Variants in RTL9 observed in about 807,000 individuals in gnomAD.
RTL9 encodes the protein retrotransposon Gag-like protein 9.
A neutral mutation model predicts 44.7 loss-of-function variants in RTL9; 19 were observed. That is an observed-to-expected ratio of 0.42 (90% CI 0.30 to 0.62). RTL9 has a LOEUF of 0.62. Ranked by LOEUF, RTL9 falls within the 20% of genes least tolerant of loss-of-function variation. The pLI, the probability that RTL9 is intolerant of heterozygous loss-of-function variation, is 0.16. For synonymous variants in RTL9, 407 were observed against 398.9 expected, an observed-to-expected ratio of 1.02 and a Z score of -0.24; for missense variants, 1,105 against 1,080.6, an observed-to-expected ratio of 1.02 and a Z score of -0.32.
intron 1 of RTL9, among the ~76,000 whole-genome samples, chrX:110,434,455 C>T (rs2068821155): frequency 9.0e-6 from 1 of 111,495 alleles, no homozygotes; most frequent in Non-Finnish European, 1.9e-5. Context: ...AGGCTCTGAA[C>T]CACGACCGTG....
intron 1 of RTL9, among the ~76,000 whole-genome samples, chrX:110,365,354 T>C (rs1226962815): frequency 8.9e-6 from 1 of 112,388 alleles, no homozygotes; most frequent in Non-Finnish European, 1.9e-5. Flanking sequence ...TTCCATGACG[T>C]TGAAATACAG....
chrX:110,429,137 G>T (rs1347776575), intron 1 of RTL9, among the ~76,000 whole-genome samples: 1 of 112,168 alleles, frequency 8.9e-6, no homozygotes, highest in Non-Finnish European at 1.9e-5. Flanking sequence ...GACCACAGTA[G>T]TTTCTACCAC....
At chrX:110,379,207 G>T (rs955525993) in intron 1 of RTL9, among the ~76,000 whole-genome samples, 47 of 112,050 alleles carry the variant, frequency 4.2e-4, no homozygotes, top group South Asian at 3.7e-4. Flanking sequence ...TTCTATTATA[G>T]CTTTCAAGGA....
intron 1 of RTL9, among the ~76,000 whole-genome samples, chrX:110,438,696 A>G (rs752423517): frequency 3.6e-5 from 4 of 110,524 alleles, no homozygotes; most frequent in Admixed American, 9.6e-5. Context: ...TTTTTTTAGC[A>G]CTGATATTAA....
chrX:110,426,985 G>C (rs2068759023), intron 1 of RTL9, among the ~76,000 whole-genome samples: 1 of 112,188 alleles, frequency 8.9e-6, no homozygotes, highest in South Asian at 3.7e-4. Flanking sequence ...TGGTTGCCCA[G>C]GGCAAAAACC....
At chrX:110,435,556 G>C (rs1017715590) in intron 1 of RTL9, among the ~76,000 whole-genome samples, 2 of 111,998 alleles carry the variant, frequency 1.8e-5, no homozygotes, top group African/African-American at 6.5e-5. Context: ...TTAGGCATGA[G>C]AGTTTTAGTT....
intron 1 of RTL9, among the ~76,000 whole-genome samples, chrX:110,432,574 C>G (rs919349991): frequency 8.9e-6 from 1 of 112,055 alleles, no homozygotes; most frequent in African/African-American, 3.2e-5. Flanking sequence ...TCATTGCTAT[C>G]ACTCTATTTT....
chrX:110,381,714 G>A (rs1264786824), intron 1 of RTL9, among the ~76,000 whole-genome samples: 3 of 110,847 alleles, frequency 2.7e-5, no homozygotes, highest in South Asian at 3.8e-4. Flanking sequence ...AAATGTACAC[G>A]TACACCATGG....
upstream of RTL9, among the ~76,000 whole-genome samples, chrX:110,447,851 G>A (rs2068916734): frequency 9.0e-6 from 1 of 111,437 alleles, no homozygotes; most frequent in African/African-American, 3.3e-5. Flanking sequence ...CCTATCCAAG[G>A]CTCAGGGACC....
At chrX:110,433,521 T>G in intron 1 of RTL9, among the ~76,000 whole-genome samples, 1 of 111,613 alleles carries the variant, frequency 9.0e-6, no homozygotes, top group Non-Finnish European at 1.9e-5. Flanking sequence ...GAGCTCCTAA[T>G]AAACACCAGG....
chrX:110,454,221 A>G (rs1351750531), exon 1 of RTL9: 6 of 1,210,280 alleles, frequency 5.0e-6, no homozygotes, highest in South Asian at 3.5e-5. Flanking sequence ...GAGGTGGTTC[A>G]TCTTGCAAAT....
upstream of RTL9, among the ~76,000 whole-genome samples, chrX:110,416,858 T>A (rs1255029808): frequency 9.0e-6 from 1 of 111,586 alleles, no homozygotes; most frequent in Non-Finnish European, 1.9e-5. Context: ...CAGCTTCAAA[T>A]CCTGGCCTTA....
In RTL9 at chrX:110,375,501, G is replaced by T. The variant is rs767358823; in HGVS notation, c.-168+16585G>T. Among the ~76,000 whole-genome samples, 15 of 111,351 alleles carry T rather than the reference G, an allele frequency of 1.3e-4. No homozygotes were observed. In the East Asian group the frequency reaches 4.2e-3, roughly 31 times the overall value. ...TCTCTAGCCACTGGTACAGGGCCTA[G>T]AACGTAGTAGGGGCTCAGTAAATAT... On this transcript the variant is annotated intron_variant, in intron 1 of 2. Transcript: ENST00000520821.
upstream of RTL9, among the ~76,000 whole-genome samples, chrX:110,450,186 A>G (rs896976689): frequency 8.1e-5 from 9 of 111,441 alleles, no homozygotes; most frequent in East Asian, 2.5e-3. Flanking sequence ...CAGGCTTGCC[A>G]GTACCTTGGC....
At chrX:110,377,632 C>A (rs1052000095) in intron 1 of RTL9, among the ~76,000 whole-genome samples, 1 of 111,802 alleles carries the variant, frequency 8.9e-6, no homozygotes, top group Non-Finnish European at 1.9e-5. Context: ...TGAAAAATTA[C>A]TTTTTATTTG....
intron 1 of RTL9, among the ~76,000 whole-genome samples, chrX:110,430,605 A>G (rs1205980812): frequency 8.9e-6 from 1 of 111,899 alleles, no homozygotes; most frequent in Non-Finnish European, 1.9e-5. Context: ...AATTTTCAGT[A>G]CTGCCAAAAC....
upstream of RTL9, among the ~76,000 whole-genome samples, chrX:110,446,109 A>T (rs1271753600): frequency 9.0e-6 from 1 of 111,307 alleles, no homozygotes; most frequent in Non-Finnish European, 1.9e-5. Context: ...CAATTGAATG[A>T]TATGAACTCT....
At chrX:110,369,540 A>T (rs1280731080) in intron 1 of RTL9, among the ~76,000 whole-genome samples, 2 of 110,587 alleles carry the variant, frequency 1.8e-5, no homozygotes, top group Non-Finnish European at 1.9e-5. Flanking sequence ...TTATAGCACA[A>T]TTTTTTTAGA....
At chrX:110,372,200 G>A (rs1284586289) in intron 1 of RTL9, among the ~76,000 whole-genome samples, 1 of 112,472 alleles carries the variant, frequency 8.9e-6, no homozygotes, top group East Asian at 2.8e-4. Context: ...CCAAGTAGAT[G>A]TTTGGTGAGT....
Sources: gnomAD v4.1 joint callset for allele counts (sites outside exome capture counted in the v4.1 genomes callset) on GRCh38, gnomAD v4.1.1 for gene constraint, MANE v1.5 for transcripts, NCBI Gene and HGNC (gene_info 2026-07-23, HGNC 2026-07-21) for gene names.